The following NEK3 variants were observed in gnomAD, a reference collection of about 807,000 sequenced individuals.
NEK3 encodes the protein serine/threonine-protein kinase Nek3.
In NEK3, 54 loss-of-function variants were observed where a neutral mutation model predicts 66.0. That is an observed-to-expected ratio of 0.82 (90% confidence interval 0.66 to 1.03). The LOEUF (loss-of-function observed/expected upper bound fraction) is 1.03, where lower values mean the gene tolerates loss of function less well. NEK3 is among the 50% of genes least tolerant of loss of function. The pLI is 0.00. For missense variants in NEK3, 593 were observed against 603.0 expected, an observed-to-expected ratio of 0.98 and a Z score of 0.17; for synonymous variants, 200 against 206.2, an observed-to-expected ratio of 0.97 and a Z score of 0.26.
At chr13:52,158,675 T>C (rs1343860419) in intron 1 of NEK3, among the ~76,000 whole-genome samples, 1 of 152,232 alleles carries the variant, frequency 6.6e-6, no homozygotes, top group Non-Finnish European at 1.5e-5. Flanking sequence ...ACTCTGGACA[T>C]GGCAAAAGTA....
chr13:52,144,494 C>A (rs541370794), intron 9 of NEK3, among the ~76,000 whole-genome samples, 197 bp downstream of exon 9: 29 of 152,268 alleles, frequency 1.9e-4, no homozygotes, highest in Middle Eastern at 3.4e-3. Flanking sequence ...GAAGGATATA[C>A]AAACTGTGAT....
In NEK3 at chr13:52,133,104, C is replaced by G. The variant is rs3368; in HGVS notation, c.*38G>C. The stretch of plus-strand genomic sequence containing the variant: ...TCTCAGCATGAACTCCTGAGTGAAG[C>G]CTCTCCTCAGCGTGACTCAGGAACA... On this transcript the variant is annotated 3_prime_UTR_variant, in exon 16 of 16. Transcript: ENST00000610828. 831,928 of 1,508,766 alleles carry G rather than the reference C, an allele frequency of 0.55. 238,849 individuals are homozygous for G. Among genetic ancestry groups the G allele is most frequent in the Non-Finnish European group, 0.6 (652,207 of 1,095,810 alleles). 93.5% of individuals were successfully genotyped at this position (1,508,766 alleles called of 1,614,324 possible). A position where few individuals can be genotyped will look rare whatever the true frequency, so the allele number is the denominator to read the frequency against.
chr13:52,158,124 G>A (rs1485682143), intron 1 of NEK3, among the ~76,000 whole-genome samples: 6 of 152,170 alleles, frequency 3.9e-5, no homozygotes, highest in Non-Finnish European at 2.9e-5. Flanking sequence ...TGATCCGCCC[G>A]CCTCGGCCTC....
intron 8 of NEK3, 139 bp from the exon 9 acceptor site, chr13:52,145,030 T>C: frequency 1.6e-6 from 1 of 619,300 alleles, no homozygotes; most frequent in Non-Finnish European, 2.8e-6. Context: ...GTCCTTAAGA[T>C]ACCATTATAT....
intron 10 of NEK3, among the ~76,000 whole-genome samples, 186 bp from the exon 11 acceptor site, chr13:52,141,255 G>C (rs903409363): frequency 4.6e-5 from 7 of 152,176 alleles, no homozygotes; most frequent in African/African-American, 9.7e-5. Context: ...CTCAGTTATT[G>C]AAAGAGGCTA....
In NEK3 at chr13:52,135,868, T is replaced by C. The variant is rs763735589; in HGVS notation, c.1175-5A>G. 1.4e-5 allele frequency: 23 copies of C among 1,606,038 alleles called. No individual in the cohort carries two copies. The highest frequency in any genetic ancestry group is 1.7e-4 in the Middle Eastern group (1 of 6,034). Reference sequence around the variant, plus strand: ...TGTACTTTATTACAGAACCACCTAGTTGCAAAAAGACAAAAATTAGTGCTG... The same window carrying C: ...TGTACTTTATTACAGAACCACCTAGCTGCAAAAAGACAAAAATTAGTGCTG... On this transcript the variant is annotated splice_region_variant and splice_polypyrimidine_tract_variant and intron_variant, in intron 13 of 15. Transcript: ENST00000610828.
chr13:52,135,988 C>G, intron 13 of NEK3, 125 bp from the exon 14 acceptor site: 2 of 1,489,914 alleles, frequency 1.3e-6, no homozygotes, highest in South Asian at 2.5e-5. Context: ...CTTCATTCAC[C>G]TGTATGAGCA....
chr13:52,146,538 T>G (rs1027361227), intron 8 of NEK3, among the ~76,000 whole-genome samples: 1 of 152,224 alleles, frequency 6.6e-6, no homozygotes, highest in Non-Finnish European at 1.5e-5. Context: ...AACGTATACA[T>G]GTAAATTATG....
intron 1 of NEK3, among the ~76,000 whole-genome samples, chr13:52,157,997 C>A (rs1037988509): frequency 2.6e-5 from 4 of 152,226 alleles, no homozygotes; most frequent in African/African-American, 9.6e-5. Context: ...CCTGCCTCAG[C>A]CTCCCGAGTA....
chr13:52,135,747 A>G lies in NEK3; in HGVS notation c.1291T>C (p.Tyr431His). The G allele has an allele frequency of 6.2e-7, 1 of 1,613,278 alleles. No individual in the cohort carries two copies. Among genetic ancestry groups the G allele is most frequent in the South Asian group, 1.1e-5 (1 of 90,980 alleles). The change falls in exon 14 of 16, where the codon TAC becomes CAC. Residue 431 changes from tyrosine to histidine, a missense_variant. Coordinates refer to ENST00000610828, the MANE Select transcript of NEK3 (RefSeq NM_002498.3). The part of the protein sequence containing the change: ...NADLSLAFQT[Y>H]TIYRPGSEGF... Reference sequence around the variant, plus strand: ...GAATTACCTGGTCTATATATTGTGTATGTTTGAAAAGCCAAGCTGAGATCA... The same window carrying G: ...GAATTACCTGGTCTATATATTGTGTGTGTTTGAAAAGCCAAGCTGAGATCA...
rs189108250 is a variant in NEK3 at position 52,137,967 on chromosome 13, T to C, written c.928-1065A>G. Among the ~76,000 whole-genome samples, 722 of 152,338 alleles carry C rather than the reference T, an allele frequency of 4.7e-3. 1 individual carries two copies. Among genetic ancestry groups the C allele is most frequent in the Middle Eastern group, 0.01 (3 of 294 alleles). On this transcript the variant is annotated intron_variant, in intron 11 of 15. Coordinates refer to ENST00000610828, the MANE Select transcript of NEK3 (RefSeq NM_002498.3). Reference sequence around the variant, plus strand: ...GTTCACTACAGGTGGTATCAAACTATAGCGTGTGGGCACAGATCATCTGCA... The same window carrying C: ...GTTCACTACAGGTGGTATCAAACTACAGCGTGTGGGCACAGATCATCTGCA...
In NEK3 at chr13:52,151,148, T is replaced by C; in HGVS notation, c.546A>G (p.Lys182=). Reference sequence around the variant, plus strand: ...GACATCAAATATGCAGCACTCACCTTTTATTGTTATAAGGCAGGTTTTCCC... The same window carrying C: ...GACATCAAATATGCAGCACTCACCTCTTATTGTTATAAGGCAGGTTTTCCC... ...EIWENLPYNN[K]SDIWSLGCIL... is the part of the protein sequence containing the mutation. Residue 182 remains lysine, a splice_region_variant and synonymous_variant, in exon 7 of 16, where the codon AAA becomes AAG. Transcript: ENST00000610828. 6.2e-7 allele frequency: 1 copy of C among 1,604,694 alleles called. No individual in the cohort carries two copies. Among genetic ancestry groups the C allele is most frequent in the East Asian group, 2.2e-5 (1 of 44,728 alleles).
chr13:52,147,870 C>T (rs1036164559), intron 8 of NEK3, among the ~76,000 whole-genome samples: 3 of 152,106 alleles, frequency 2.0e-5, no homozygotes, highest in African/African-American at 7.2e-5. Flanking sequence ...GTGGTATGCA[C>T]CTGTAGTCCC....
chr13:52,157,905 C>G (rs927051214), intron 1 of NEK3, among the ~76,000 whole-genome samples: 1 of 152,222 alleles, frequency 6.6e-6, no homozygotes, highest in Non-Finnish European at 1.5e-5. Context: ...GAGACGGAGT[C>G]TCGCTCCTGT....
At chr13:52,139,036 G>A (rs759175142) in intron 11 of NEK3, among the ~76,000 whole-genome samples, 4 of 152,230 alleles carry the variant, frequency 2.6e-5, no homozygotes, top group African/African-American at 4.8e-5. Flanking sequence ...TGGATCGGCT[G>A]TTAATATCCA....
chr13:52,132,770 C>A lies in NEK3; in HGVS notation c.*372G>T. 5.4e-6 allele frequency: 1 copy of A among 186,542 alleles called. No individual in the cohort carries two copies. Among genetic ancestry groups the A allele is most frequent in the Admixed American group, 5.6e-5 (1 of 17,866 alleles). The allele number at this position is 186,542 out of a possible 1,614,324, so 11.6% of individuals were successfully genotyped here. On this transcript the variant is annotated 3_prime_UTR_variant, in exon 16 of 16. Transcript: ENST00000610828. Reference sequence around the variant, plus strand: ...TGCTATAAAGGTCTGTGGTCAGCATCCCTCTGAGGTAGGCATTATTATCTT... The same window carrying A: ...TGCTATAAAGGTCTGTGGTCAGCATACCTCTGAGGTAGGCATTATTATCTT...
chr13:52,142,567 C>T lies in NEK3; in HGVS notation c.877+1348G>A, dbSNP rs955870486. On this transcript the variant is annotated intron_variant, in intron 10 of 15. Coordinates refer to ENST00000610828, the MANE Select transcript of NEK3 (RefSeq NM_002498.3). ...CTGGGATTACAGGCGTAAGCCACTG[C>T]GCCCAGCCGCTATCTCTTAACTAAT... Among the ~76,000 whole-genome samples the T allele has an allele frequency of 6.3e-4, 96 of 152,298 alleles. No homozygotes were observed. In the Middle Eastern group the frequency reaches 0.01, roughly 16 times the overall value.
rs149672796 is a variant in NEK3, at chr13:52,152,207, T to A, written c.393+402A>T. 1.4e-4 allele frequency among the ~76,000 whole-genome samples: 21 copies of A among 152,312 alleles called. No homozygotes were observed. In the East Asian group the frequency reaches 4.0e-3, roughly 29 times the overall value. ...TTCAGTTATGACAAGTAAGTTCCAGTGATCTGTTGTACAACATGGTGACTA... is the reference window on the plus strand; with the variant it reads ...TTCAGTTATGACAAGTAAGTTCCAGAGATCTGTTGTACAACATGGTGACTA... On this transcript the variant is annotated intron_variant, in intron 5 of 15. Transcript: ENST00000610828.
rs1594020871 is a variant in NEK3, at chr13:52,135,943, GAA to G, written c.1175-82_1175-81del. On this transcript the variant is annotated intron_variant, in intron 13 of 15. Transcript: ENST00000610828. The stretch of plus-strand genomic sequence containing the variant: ...TACTTTCCAGATCATATTTTCAAGC[GAA>G]GTTAGTTATATTTGACTGTTAACTA... The G allele has an allele frequency of 2.3e-5, 36 of 1,534,396 alleles. No homozygotes were observed. The East Asian group carries it at 8.1e-4, about 35-fold the overall frequency.
Sources: allele counts gnomAD v4.1 joint callset (sites outside exome capture counted in the v4.1 genomes callset), GRCh38; gene constraint gnomAD v4.1.1; transcripts MANE v1.5; gene names NCBI Gene and HGNC (gene_info 2026-07-23, HGNC 2026-07-21).